Variants in ADGRB3 observed in about 807,000 individuals in gnomAD.
The protein encoded by ADGRB3 is adhesion G protein-coupled receptor B3, also known as brain-specific angiogenesis inhibitor 3.
ADGRB3 carries 37 observed loss-of-function variants against 193.4 expected under a neutral mutation model. The observed-to-expected ratio is 0.19, with a 90% CI of 0.15 to 0.25. The LOEUF is 0.25. Among genes scored for constraint, ADGRB3 ranks in the 10% least tolerant of loss-of-function variants. The probability of loss-of-function intolerance (pLI) is 1.00; values close to 1 mark genes in which losing one functional copy is unlikely to be tolerated. For missense variants in ADGRB3, 1,637 were observed against 1,852.9 expected (o/e 0.88, Z 2.14); for synonymous variants, 690 against 644.2 (o/e 1.07, Z -1.08).
At chr6:68,896,735 A>T (rs1441357461) in intron 3 of ADGRB3, among the ~76,000 whole-genome samples, 1 of 152,142 alleles carries the variant, frequency 6.6e-6, no homozygotes, top group Non-Finnish European at 1.5e-5. Context: ...ATTTTAAAGA[A>T]AAGTAGCATT....
intron 26 of ADGRB3, among the ~76,000 whole-genome samples, chr6:69,343,118 G>T (rs1313932481): frequency 6.7e-6 from 1 of 150,232 alleles, no homozygotes. Context: ...TTAATGTGTT[G>T]TGTATGGAGC....
At chr6:68,857,123 C>A (rs1279815598) in intron 3 of ADGRB3, among the ~76,000 whole-genome samples, 5 of 152,196 alleles carry the variant, frequency 3.3e-5, no homozygotes, top group Admixed American at 3.3e-4. Context: ...GCCGGATGAC[C>A]AGGCAGAAGT....
At chr6:69,290,049 T>C (rs543088088) in intron 20 of ADGRB3, among the ~76,000 whole-genome samples, 220 of 152,192 alleles carry the variant, frequency 1.4e-3, no homozygotes, top group Admixed American at 2.4e-3. Context: ...ACCAGAATTG[T>C]GGCACATCTG....
chr6:69,318,112 A>C (rs1003207883), intron 20 of ADGRB3, among the ~76,000 whole-genome samples: 4 of 151,322 alleles, frequency 2.6e-5, no homozygotes, highest in Non-Finnish European at 5.9e-5. Flanking sequence ...ACTCTTGTAC[A>C]ACTTAGAATA....
Position 69,389,047 on chromosome 6 carries a change from T to A in ADGRB3, c.*156T>A. 1.5e-6 allele frequency: 1 copy of A among 678,680 alleles called. No homozygotes were observed. The highest frequency in any genetic ancestry group is 2.4e-6 in the Non-Finnish European group (1 of 415,832). 42.0% of individuals were successfully genotyped at this position (678,680 alleles called of 1,614,324 possible). A position where few individuals can be genotyped will look rare whatever the true frequency, so the allele number is the denominator to read the frequency against. On this transcript the variant is annotated 3_prime_UTR_variant, in exon 32 of 32. Coordinates refer to ENST00000370598, the MANE Select transcript of ADGRB3 (RefSeq NM_001704.3). ...GTGTTTTCATATGGTAACTTCTCAC[T>A]AGTCAGGCTAGTGGAGAGATGACCA... is the stretch of plus-strand genomic sequence containing the variant.
intron 3 of ADGRB3, among the ~76,000 whole-genome samples, chr6:68,772,894 AATATATATATATATATATATATAT>A (rs1208790675): frequency 1.3e-4 from 3 of 22,892 alleles, no homozygotes; most frequent in African/African-American, 5.9e-4. Context: ...AAAAAAAAAA[AATATATATATATATATATATATAT>A]ATATATATAT....
At chr6:68,870,629 G>C (rs1233151843) in intron 3 of ADGRB3, among the ~76,000 whole-genome samples, 1 of 152,196 alleles carries the variant, frequency 6.6e-6, no homozygotes, top group East Asian at 1.9e-4. Flanking sequence ...ACAATGAAGT[G>C]TAGTGGTTAA....
chr6:68,753,619 A>C (rs1766243829), intron 3 of ADGRB3, among the ~76,000 whole-genome samples: 1 of 152,142 alleles, frequency 6.6e-6, no homozygotes, highest in African/African-American at 2.4e-5. Flanking sequence ...TTTAATAGAG[A>C]GGGGCAAGTA....
At position 69,239,131 on chromosome 6, in the gene ADGRB3, C is replaced by A. The variant is rs145280281; in HGVS notation, c.2719C>A (p.Arg907Ser). 1 of 1,585,992 alleles carries A rather than the reference C, an allele frequency of 6.3e-7. No homozygotes were observed. Among genetic ancestry groups the A allele is most frequent in the Admixed American group, 1.7e-5 (1 of 59,708 alleles). Residue 907 changes from arginine to serine, a missense_variant, in exon 20 of 32, where the codon CGC becomes AGC. Arg to Ser is a moderately radical substitution (Grantham distance 110, BLOSUM62 -1). This residue lies in a region of ADGRB3 where 641 missense variants were observed against 673.9 expected (regional missense o/e 0.95). Coordinates refer to ENST00000370598, the MANE Select transcript of ADGRB3 (RefSeq NM_001704.3). Reference protein sequence around the residue: ...VVYAALWRYIRSERSIILINF... With the variant: ...VVYAALWRYISSERSIILINF... The stretch of plus-strand genomic sequence containing the variant: ...TTTTCTCTCTCTGGCTAGGTACATA[C>A]GCTCTGAGAGATCCATAATACTAAT...
intron 17 of ADGRB3, among the ~76,000 whole-genome samples, chr6:69,232,210 G>C (rs1157081821): frequency 1.3e-5 from 2 of 152,140 alleles, no homozygotes; most frequent in Admixed American, 6.5e-5. Flanking sequence ...GTGACAATTG[G>C]TGCATTCAGT....
intron 20 of ADGRB3, among the ~76,000 whole-genome samples, chr6:69,294,556 C>T (rs144046413): frequency 0.012 from 1,812 of 152,108 alleles, 15 homozygotes; most frequent in Non-Finnish European, 0.014. Context: ...CAATTCGCTC[C>T]GACACTTCCC....
At chr6:68,882,454 T>G (rs1562069721) in intron 3 of ADGRB3, among the ~76,000 whole-genome samples, 3 of 152,216 alleles carry the variant, frequency 2.0e-5, no homozygotes. Flanking sequence ...TTCCCTTTTA[T>G]CATATTGAGC....
chr6:69,204,984 G>C (rs1765506028), intron 17 of ADGRB3, among the ~76,000 whole-genome samples: 1 of 152,026 alleles, frequency 6.6e-6, no homozygotes, highest in Non-Finnish European at 1.5e-5. Flanking sequence ...TCAGCAAAAG[G>C]CTGGATTCAT....
chr6:69,294,551 C>T (rs558593636), intron 20 of ADGRB3, among the ~76,000 whole-genome samples: 6 of 152,040 alleles, frequency 3.9e-5, no homozygotes, highest in South Asian at 2.1e-4. Context: ...CTCTACAATT[C>T]GCTCCGACAC....
chr6:68,959,630 AT>A (rs1334909671), intron 8 of ADGRB3, among the ~76,000 whole-genome samples: 1 of 152,154 alleles, frequency 6.6e-6, no homozygotes, highest in African/African-American at 2.4e-5. Flanking sequence ...AAAATGAAAA[AT>A]AAAACTATTT....
intron 26 of ADGRB3, among the ~76,000 whole-genome samples, chr6:69,350,966 C>A (rs1318424436): frequency 6.6e-6 from 1 of 152,058 alleles, no homozygotes; most frequent in African/African-American, 2.4e-5. Flanking sequence ...CAGATACCAT[C>A]TTGCCTGAAG....
intron 3 of ADGRB3, among the ~76,000 whole-genome samples, chr6:68,837,243 C>A (rs1768063874): frequency 1.3e-5 from 2 of 152,146 alleles, no homozygotes; most frequent in South Asian, 4.1e-4. Context: ...GGTTCATAAA[C>A]CTGCTGCTTT....
intron 3 of ADGRB3, among the ~76,000 whole-genome samples, chr6:68,679,486 C>T (rs1053836109): frequency 3.3e-5 from 5 of 151,982 alleles, no homozygotes; most frequent in African/African-American, 1.2e-4. Flanking sequence ...GTCACATGGC[C>T]ACACCTAGAC....
intron 3 of ADGRB3, among the ~76,000 whole-genome samples, chr6:68,823,403 G>T (rs764930375): frequency 4.0e-5 from 6 of 151,820 alleles, no homozygotes; most frequent in African/African-American, 7.2e-5. Context: ...TAGATACATA[G>T]ATAGATACAT....
Sources: gnomAD v4.1 joint callset for allele counts (sites outside exome capture counted in the v4.1 genomes callset) on GRCh38, gnomAD v4.1.1 for gene constraint, gnomAD v4.1.1 regional missense constraint, MANE v1.5 for transcripts, NCBI Gene and HGNC (gene_info 2026-07-23, HGNC 2026-07-21) for gene names.